UGT1A6: variants seen among roughly 807,000 people sequenced by gnomAD.
UGT1A6 encodes the protein UDP-glucuronosyltransferase 1A6.
In UGT1A6, 32 loss-of-function variants were observed where a neutral mutation model predicts 44.4. The observed-to-expected ratio is 0.72, with a 90% confidence interval of 0.54 to 0.97. The LOEUF (loss-of-function observed/expected upper bound fraction) is 0.97, where lower values mean the gene tolerates loss of function less well. UGT1A6 is among the 50% of genes least tolerant of loss of function. The pLI is 0.00. For missense variants in UGT1A6, 685 were observed against 661.9 expected (o/e 1.03, Z -0.38); for synonymous variants, 238 against 248.5 (o/e 0.96, Z 0.40).
intron 1 of UGT1A6, chr2:233,713,123 G>T (rs571793851): frequency 6.2e-7 from 1 of 1,614,234 alleles, no homozygotes; most frequent in South Asian, 1.1e-5. Context: ...GGCTCAGCAT[G>T]CGGGAGGCCT....
intron 1 of UGT1A6, among the ~76,000 whole-genome samples, chr2:233,716,137 G>A (rs931964011): frequency 4.6e-5 from 7 of 152,042 alleles, no homozygotes; most frequent in African/African-American, 1.2e-4. Flanking sequence ...GAATTCCATG[G>A]CCCTTTTCCA....
intron 1 of UGT1A6, among the ~76,000 whole-genome samples, chr2:233,746,235 C>A (rs565676121): frequency 6.6e-6 from 1 of 151,714 alleles, no homozygotes; most frequent in South Asian, 2.1e-4. Flanking sequence ...ATGCAAACTG[C>A]TAAAAGATAC....
chr2:233,760,466 T>A (rs370892808), intron 1 of UGT1A6: 5 of 1,614,114 alleles, frequency 3.1e-6, no homozygotes, highest in Non-Finnish European at 4.2e-6. Context: ...ATAGTTGTCC[T>A]AGCACCTGAC....
chr2:233,716,827 A>T (rs1249548003), intron 1 of UGT1A6, among the ~76,000 whole-genome samples: 1 of 152,150 alleles, frequency 6.6e-6, no homozygotes, highest in Admixed American at 6.5e-5. Flanking sequence ...GACCTCACTG[A>T]CACCCATGGC....
intron 1 of UGT1A6, among the ~76,000 whole-genome samples, chr2:233,716,653 C>A (rs2076518106): frequency 6.6e-6 from 1 of 152,046 alleles, no homozygotes; most frequent in African/African-American, 2.4e-5. Flanking sequence ...TTTTTGTACC[C>A]TAAGGAAGCT....
At chr2:233,715,057 T>G (rs1032772184) in intron 1 of UGT1A6, among the ~76,000 whole-genome samples, 3 of 152,140 alleles carry the variant, frequency 2.0e-5, no homozygotes, top group African/African-American at 2.4e-5. Context: ...TCTTTTTTTT[T>G]GTATTTTTTA....
At chr2:233,736,248 A>G (rs2078745941) in intron 1 of UGT1A6, among the ~76,000 whole-genome samples, 1 of 151,866 alleles carries the variant, frequency 6.6e-6, no homozygotes, top group Non-Finnish European at 1.5e-5. Context: ...TTCTCACTTT[A>G]TTTCATTAAT....
intron 1 of UGT1A6, among the ~76,000 whole-genome samples, chr2:233,715,727 A>T (rs2076466166): frequency 6.6e-6 from 1 of 152,216 alleles, no homozygotes; most frequent in Non-Finnish European, 1.5e-5. Flanking sequence ...TGCCATGTTC[A>T]CGCCACCTCA....
At chr2:233,735,916 G>A (rs182665210) in intron 1 of UGT1A6, among the ~76,000 whole-genome samples, 217 of 152,260 alleles carry the variant, frequency 1.4e-3, no homozygotes, top group South Asian at 0.012. Context: ...TGGGTAACCC[G>A]ACCTTTCTCT....
intron 1 of UGT1A6, among the ~76,000 whole-genome samples, chr2:233,724,483 C>CA (rs2077265873): frequency 1.5e-5 from 1 of 68,754 alleles, no homozygotes; most frequent in Non-Finnish European, 3.0e-5. Context: ...ACTTCTCAGA[C>CA]GGGGCGGCCG....
chr2:233,719,679 C>T (rs781186031), intron 1 of UGT1A6: 1 of 1,613,946 alleles, frequency 6.2e-7, no homozygotes, highest in Non-Finnish European at 8.5e-7. Flanking sequence ...CGGGAAGCCA[C>T]TATCTCAGGT....
chr2:233,729,918 C>T (rs748265194), intron 1 of UGT1A6: 1 of 1,613,918 alleles, frequency 6.2e-7, no homozygotes, highest in African/African-American at 1.3e-5. Context: ...TTGTGATGGA[C>T]TACCCCAGGC....
rs1299617457 is a variant in UGT1A6, at chr2:233,724,834, A to G, written c.861+30969A>G. On this transcript the variant is annotated intron_variant, in intron 1 of 4. Coordinates refer to ENST00000305139, the MANE Select transcript of UGT1A6 (RefSeq NM_001072.4). ...GAGGCTGCAATCTCGGCACTTTGGG[A>G]GGCCAAGGCAGGCGGCTGGGAGGTG... 3.0e-5 allele frequency among the ~76,000 whole-genome samples: 4 copies of G among 132,466 alleles called. 1 individual carries two copies. The highest frequency in any genetic ancestry group is 6.3e-5 in the Non-Finnish European group (4 of 63,510). 86.9% of individuals were successfully genotyped at this position (132,466 alleles called of 152,430 possible).
chr2:233,722,017 A>G (rs2125685673), intron 1 of UGT1A6: 1 of 254,974 alleles, frequency 3.9e-6, no homozygotes, highest in Non-Finnish European at 7.8e-6. Context: ...AGGAAAACTG[A>G]AACCTCTTGA....
chr2:233,760,535 T>G (rs1425697704), intron 1 of UGT1A6: 1 of 1,614,120 alleles, frequency 6.2e-7, no homozygotes, highest in African/African-American at 1.3e-5. Context: ...CCTGTGCCAT[T>G]CCAAAGGGAG....
At chr2:233,767,802 T>C in intron 2 of UGT1A6, 47 bp from the exon 3 acceptor site, 1 of 1,614,174 alleles carries the variant, frequency 6.2e-7, no homozygotes, top group East Asian at 2.2e-5. Flanking sequence ...TGTTTTCTAA[T>C]CATATTATGT....
At position 233,772,978 on chromosome 2, in the gene UGT1A6, T is replaced by C. The variant is rs34942353; in HGVS notation, c.*419T>C. On this transcript the variant is annotated 3_prime_UTR_variant, in exon 5 of 5. Coordinates refer to ENST00000305139, the MANE Select transcript of UGT1A6 (RefSeq NM_001072.4). ...GTTGCAATTGATCCTTAACCAATAATGGTCAGTCCTCATCTCTGTCGTGCT... is the reference window on the plus strand; with the variant it reads ...GTTGCAATTGATCCTTAACCAATAACGGTCAGTCCTCATCTCTGTCGTGCT... 9.7e-5 allele frequency: 29 copies of C among 299,424 alleles called. No homozygotes were observed. The East Asian group carries it at 2.0e-3, about 21-fold the overall frequency. 18.5% of individuals were successfully genotyped at this position (299,424 alleles called of 1,614,324 possible).
chr2:233,732,874 G>C lies in UGT1A6; in HGVS notation c.862-34160G>C, dbSNP rs1220552637. On this transcript the variant is annotated intron_variant, in intron 1 of 4. Transcript: ENST00000305139. Reference sequence around the variant, plus strand: ...AGTCATTGGTAGCTTGATGGGTTTGGCATTGAATCTATAAATTACCTTGGG... The same window carrying C: ...AGTCATTGGTAGCTTGATGGGTTTGCCATTGAATCTATAAATTACCTTGGG... 6.6e-5 allele frequency among the ~76,000 whole-genome samples: 10 copies of C among 151,784 alleles called. No individual in the cohort carries two copies. The East Asian group carries it at 1.9e-3, about 29-fold the overall frequency.
chr2:233,747,319 AT>A, intron 1 of UGT1A6: 1 of 1,603,764 alleles, frequency 6.2e-7, no homozygotes, highest in Non-Finnish European at 8.5e-7. Flanking sequence ...GGTGGTACCC[AT>A]TGATGGCAGC....
Sources: gnomAD v4.1 joint callset for allele counts (sites outside exome capture counted in the v4.1 genomes callset) on GRCh38, gnomAD v4.1.1 for gene constraint, MANE v1.5 for transcripts, NCBI Gene and HGNC (gene_info 2026-07-23, HGNC 2026-07-21) for gene names.